The following ADIPOR2 variants were observed in gnomAD, a reference collection of about 807,000 sequenced individuals.
ADIPOR2 encodes the protein adiponectin receptor protein 2.
In ADIPOR2, 18 loss-of-function variants were observed where a neutral mutation model predicts 40.9. The ratio of observed to expected loss-of-function variants is 0.44; its 90% CI spans 0.30 to 0.65. The LOEUF (loss-of-function observed/expected upper bound fraction) is 0.65, where lower values mean the gene tolerates loss of function less well. Among genes scored for constraint, ADIPOR2 ranks in the 30% least tolerant of loss-of-function variants. The probability of loss-of-function intolerance (pLI) is 0.09; values close to 1 mark genes in which losing one functional copy is unlikely to be tolerated. For synonymous variants in ADIPOR2, 165 were observed against 166.4 expected, an observed-to-expected ratio of 0.99 and a Z score of 0.06; for missense variants, 283 against 479.2, an observed-to-expected ratio of 0.59 and a Z score of 3.82.
In ADIPOR2 at chr12:1,777,389, T is replaced by C. The variant is rs1194396679; in HGVS notation, c.292-465T>C. Among the ~76,000 whole-genome samples, 92 of 145,962 alleles carry C rather than the reference T, an allele frequency of 6.3e-4. 1 individual carries two copies. Among genetic ancestry groups the C allele is most frequent in the Admixed American group, 4.1e-4 (6 of 14,764 alleles). On this transcript the variant is annotated intron_variant, in intron 3 of 7. Transcript: ENST00000357103. ...AAAGTATATTTTTTCTTTCTTTTTTTTTTTTTTTTTTTTTGAGGCAGAGTT... is the reference window on the plus strand; with the variant it reads ...AAAGTATATTTTTTCTTTCTTTTTTCTTTTTTTTTTTTTTGAGGCAGAGTT...
At chr12:1,700,976 A>G (rs895824220) in intron 1 of ADIPOR2, among the ~76,000 whole-genome samples, 12 of 152,106 alleles carry the variant, frequency 7.9e-5, no homozygotes, top group African/African-American at 2.9e-4. Flanking sequence ...TAACATTCAT[A>G]TATTAACCAT....
chr12:1,704,473 C>A (rs1314269698), intron 1 of ADIPOR2, among the ~76,000 whole-genome samples: 2 of 152,178 alleles, frequency 1.3e-5, no homozygotes, highest in Non-Finnish European at 2.9e-5. Context: ...TGAGGATATA[C>A]ATTAATGAGG....
rs977290186 is a variant in ADIPOR2, at chr12:1,788,329, T to G, written c.*2257T>G. 3 of 152,694 alleles carry G rather than the reference T, an allele frequency of 2.0e-5. No individual in the cohort carries two copies. Among genetic ancestry groups the G allele is most frequent in the African/African-American group, 7.2e-5 (3 of 41,464 alleles). The allele number at this position is 152,694 out of a possible 1,614,324, so 9.5% of individuals were successfully genotyped here. A position where few individuals can be genotyped will look rare whatever the true frequency, so the allele number is the denominator to read the frequency against. ...GTGCAGCTCACTACCAACAGCCTCA[T>G]GTGCACTTGACCTGACAGTGCTCGC... On this transcript the variant is annotated 3_prime_UTR_variant, in exon 8 of 8. Transcript: ENST00000357103.
At chr12:1,785,793 G>A (rs1862817379) in intron 7 of ADIPOR2, 151 bp from the exon 8 acceptor site, 2 of 1,073,328 alleles carry the variant, frequency 1.9e-6, no homozygotes, top group Non-Finnish European at 2.7e-6. Flanking sequence ...GGATGTTCCA[G>A]GATCTGTGGA....
rs919999461 is a variant in ADIPOR2, at chr12:1,744,146, G to A, written c.-86-10112G>A. Among the ~76,000 whole-genome samples, 10 of 149,446 alleles carry A rather than the reference G, an allele frequency of 6.7e-5. No individual in the cohort carries two copies. In the South Asian group the frequency reaches 8.4e-4, roughly 13 times the overall value. On this transcript the variant is annotated intron_variant, in intron 1 of 7. Transcript: ENST00000357103. ...TTTTGAGACGGAGTCTTGCTGTGTC[G>A]CCCAGGCTGGAGTGCAGTGGTACGA...
At chr12:1,727,662 T>C (rs911307501) in intron 1 of ADIPOR2, among the ~76,000 whole-genome samples, 3 of 152,046 alleles carry the variant, frequency 2.0e-5, no homozygotes, top group Non-Finnish European at 4.4e-5. Flanking sequence ...CTTGGTCTGC[T>C]GCCCCTCCCT....
At chr12:1,761,240 T>A (rs1446996061) in intron 2 of ADIPOR2, among the ~76,000 whole-genome samples, 1 of 152,196 alleles carries the variant, frequency 6.6e-6, no homozygotes, top group African/African-American at 2.4e-5. Flanking sequence ...GGGAAACTAC[T>A]GTACTATAGT....
At chr12:1,748,179 T>G (rs2094759985) in intron 1 of ADIPOR2, among the ~76,000 whole-genome samples, 1 of 152,164 alleles carries the variant, frequency 6.6e-6, no homozygotes, top group South Asian at 2.1e-4. Flanking sequence ...TTCTTTTTTG[T>G]AGTTTACATC....
At chr12:1,692,086 C>CTT (rs5795977) in intron 1 of ADIPOR2, among the ~76,000 whole-genome samples, 4,359 of 146,318 alleles carry the variant, frequency 0.03, 96 homozygotes, top group Middle Eastern at 0.059. Context: ...CAAAAGCAGA[C>CTT]TTTTTTTTTT....
chr12:1,712,212 G>A (rs1016905660), intron 1 of ADIPOR2, among the ~76,000 whole-genome samples: 1 of 152,070 alleles, frequency 6.6e-6, no homozygotes, highest in South Asian at 2.1e-4. Context: ...ACTATAATTT[G>A]TTGGCAGTCA....
At chr12:1,742,640 C>T (rs1246176838) in intron 1 of ADIPOR2, among the ~76,000 whole-genome samples, 1 of 152,170 alleles carries the variant, frequency 6.6e-6, no homozygotes, top group Non-Finnish European at 1.5e-5. Context: ...TGCATATAAC[C>T]TAAGCACATC....
At chr12:1,781,216 T>C in intron 6 of ADIPOR2, 140 bp downstream of exon 6, 1 of 973,826 alleles carries the variant, frequency 1.0e-6, no homozygotes, top group African/African-American at 1.7e-5. Flanking sequence ...TTCCTATTGT[T>C]GGGGGTTTTT....
intron 1 of ADIPOR2, among the ~76,000 whole-genome samples, chr12:1,716,849 A>G (rs547315608): frequency 6.6e-6 from 1 of 152,348 alleles, no homozygotes; most frequent in South Asian, 2.1e-4. Context: ...GTATCCAACT[A>G]GGTAGCATTA....
intron 2 of ADIPOR2, among the ~76,000 whole-genome samples, chr12:1,757,005 G>T (rs915021871): frequency 1.3e-5 from 2 of 152,142 alleles, no homozygotes; most frequent in African/African-American, 4.8e-5. Flanking sequence ...TATCTTAGAA[G>T]ATATATTGAG....
At chr12:1,740,526 G>C (rs2094740455) in intron 1 of ADIPOR2, among the ~76,000 whole-genome samples, 1 of 152,158 alleles carries the variant, frequency 6.6e-6, no homozygotes, top group Non-Finnish European at 1.5e-5. Flanking sequence ...ATTTAACCTT[G>C]ATTACCTCTC....
rs5795977 is a variant in ADIPOR2 at position 1,692,086 on chromosome 12, C to CTTTTT, written c.-87+904_-87+908dup. On this transcript the variant is annotated intron_variant, in intron 1 of 7. Transcript: ENST00000357103. ...CCCCCATTTCTGTTCCAAAAGCAGA[C>CTTTTT]TTTTTTTTTTTTTATCACCCCTTCC... 1.7e-3 allele frequency among the ~76,000 whole-genome samples: 249 copies of CTTTTT among 146,360 alleles called. 1 individual carries two copies. In the South Asian group the frequency reaches 0.02, roughly 12 times the overall value.
At chr12:1,716,881 T>G (rs2094688721) in intron 1 of ADIPOR2, among the ~76,000 whole-genome samples, 1 of 152,232 alleles carries the variant, frequency 6.6e-6, no homozygotes, top group Non-Finnish European at 1.5e-5. Context: ...ATTTGATTTT[T>G]TGCCAAATGG....
At chr12:1,746,958 C>G (rs2094756448) in intron 1 of ADIPOR2, among the ~76,000 whole-genome samples, 1 of 151,958 alleles carries the variant, frequency 6.6e-6, no homozygotes, top group Admixed American at 6.6e-5. Context: ...TTGTTTGAAC[C>G]CAGGAGTTTG....
At chr12:1,784,222 A>G (rs2154444556) in intron 7 of ADIPOR2, 149 bp downstream of exon 7, 3 of 874,602 alleles carry the variant, frequency 3.4e-6, no homozygotes, top group East Asian at 5.7e-5. Flanking sequence ...TCTGGACAAT[A>G]AGTACAATAA....
Sources: allele counts gnomAD v4.1 joint callset (sites outside exome capture counted in the v4.1 genomes callset), GRCh38; gene constraint gnomAD v4.1.1; transcripts MANE v1.5; gene names NCBI Gene and HGNC (gene_info 2026-07-23, HGNC 2026-07-21).